Variants in PCDH15 observed in about 807,000 individuals in gnomAD.
PCDH15 encodes the protein protocadherin related 15, also known as protocadherin-15.
A neutral mutation model predicts 178.5 loss-of-function variants in PCDH15; 129 were observed. The observed-to-expected ratio is 0.72, with a 90% CI of 0.63 to 0.84. The LOEUF (loss-of-function observed/expected upper bound fraction) is 0.84, where lower values mean the gene tolerates loss of function less well. Ranked by LOEUF, PCDH15 falls within the 40% of genes least tolerant of loss-of-function variation. PCDH15 has a pLI of 0.00. For synonymous variants in PCDH15, 800 were observed against 732.0 expected (o/e 1.09, Z -1.50); for missense variants, 2,230 against 2,099.9 (o/e 1.06, Z -1.21).
At chr10:54,534,221 T>C (rs2132797619) in intron 2 of PCDH15, among the ~76,000 whole-genome samples, 1 of 152,260 alleles carries the variant, frequency 6.6e-6, no homozygotes, top group Admixed American at 6.5e-5. Context: ...GTAAATATAG[T>C]AAATAAACCC....
At position 54,984,229 on chromosome 10, in the gene PCDH15, T is replaced by C. The variant is rs115158986; in HGVS notation, c.-79-86729A>G. 6.0e-3 allele frequency among the ~76,000 whole-genome samples: 921 copies of C among 152,232 alleles called. 10 individuals are homozygous for C. Among genetic ancestry groups the C allele is most frequent in the African/African-American group, 0.021 (864 of 41,556 alleles). On this transcript the variant is annotated intron_variant, in intron 2 of 5. Transcript: ENST00000458638. ...TGCCCTCTTGTCTCTACCCCTGTTT[T>C]CCTCTTCTCCCCACAAGTGAGGGAA...
chr10:55,204,571 T>C (rs1194557692), intron 1 of PCDH15, among the ~76,000 whole-genome samples: 1 of 152,000 alleles, frequency 6.6e-6, no homozygotes, highest in African/African-American at 2.4e-5. Context: ...CCAAGGAGCA[T>C]GATCTGCTAA....
intron 2 of PCDH15, among the ~76,000 whole-genome samples, chr10:55,356,503 C>T (rs986387536): frequency 3.3e-5 from 5 of 151,676 alleles, no homozygotes; most frequent in African/African-American, 1.2e-4. Context: ...CTGATCTCAT[C>T]AGCCTGAATC....
At chr10:54,411,333 A>G (rs1589264114) in intron 3 of PCDH15, among the ~76,000 whole-genome samples, 1 of 152,214 alleles carries the variant, frequency 6.6e-6, no homozygotes, top group African/African-American at 2.4e-5. Context: ...TTAAAAATTG[A>G]AAGAATTTAA....
In PCDH15 at chr10:54,561,007, G is replaced by T. The variant is rs139775300; in HGVS notation, c.92-33130C>A. On this transcript the variant is annotated intron_variant, in intron 2 of 37. Transcript: ENST00000644397. ...GTAAAAATTGTTTTCTTTTTCACTG[G>T]ATTAGAAACTCTGTTAATGTGAACA... Among the ~76,000 whole-genome samples the T allele has an allele frequency of 3.0e-3, 460 of 152,086 alleles. 2 individuals carry two copies. The highest frequency in any genetic ancestry group is 0.011 in the African/African-American group (451 of 41,522).
At chr10:53,911,990 C>CA (rs1364870751) in intron 25 of PCDH15, among the ~76,000 whole-genome samples, 14 of 151,892 alleles carry the variant, frequency 9.2e-5, no homozygotes, top group African/African-American at 2.4e-4. Flanking sequence ...AGAGACACAA[C>CA]AAAAAAAGAG....
At chr10:55,018,931 G>T (rs988139683) in intron 2 of PCDH15, among the ~76,000 whole-genome samples, 1 of 151,876 alleles carries the variant, frequency 6.6e-6, no homozygotes, top group African/African-American at 2.4e-5. Flanking sequence ...ATTTAATATA[G>T]TTTTCTTTTC....
At chr10:55,523,602 T>C (rs913648707) in intron 2 of PCDH15, among the ~76,000 whole-genome samples, 1 of 151,688 alleles carries the variant, frequency 6.6e-6, no homozygotes, top group African/African-American at 2.4e-5. Context: ...TATTTCTGTC[T>C]ATCTGAAACT....
chr10:55,467,740 C>T (rs1315364845), intron 2 of PCDH15, among the ~76,000 whole-genome samples: 5 of 151,444 alleles, frequency 3.3e-5, no homozygotes, highest in Non-Finnish European at 5.9e-5. Context: ...TCAAGGCAGG[C>T]GGATCATGAG....
chr10:55,525,415 G>A (rs1323805767), intron 2 of PCDH15, among the ~76,000 whole-genome samples: 1 of 151,748 alleles, frequency 6.6e-6, no homozygotes, highest in Admixed American at 6.6e-5. Flanking sequence ...AAAGTCACTA[G>A]ATAGATAAAT....
chr10:55,207,868 C>T (rs1376456800), intron 1 of PCDH15, among the ~76,000 whole-genome samples: 1 of 152,052 alleles, frequency 6.6e-6, no homozygotes, highest in African/African-American at 2.4e-5. Context: ...ACTTGTGAGG[C>T]TGAGTCAGGA....
intron 2 of PCDH15, among the ~76,000 whole-genome samples, chr10:54,943,774 C>A (rs546945581): frequency 6.6e-6 from 1 of 151,404 alleles, no homozygotes; most frequent in Non-Finnish European, 1.5e-5. Context: ...TCAAATCAGA[C>A]TTTTTGATCT....
At chr10:54,022,457 C>T (rs1435251946) in intron 19 of PCDH15, among the ~76,000 whole-genome samples, 5 of 121,326 alleles carry the variant, frequency 4.1e-5, no homozygotes, top group Non-Finnish European at 8.9e-5. Context: ...ATAACCCACA[C>T]AAATTCATAT....
At chr10:54,305,418 C>T (rs919189224) in intron 8 of PCDH15, among the ~76,000 whole-genome samples, 4 of 151,532 alleles carry the variant, frequency 2.6e-5, no homozygotes, top group African/African-American at 9.7e-5. Flanking sequence ...ATTAAGGTAC[C>T]TTTATACAAA....
At position 53,831,540 on chromosome 10, in the gene PCDH15, T is replaced by A. The variant is rs780118478; in HGVS notation, c.3984-7A>T. The A allele has an allele frequency of 2.5e-6, 4 of 1,587,682 alleles. No homozygotes were observed. Among genetic ancestry groups the A allele is most frequent in the Non-Finnish European group, 2.6e-6 (3 of 1,156,410 alleles). On this transcript the variant is annotated splice_polypyrimidine_tract_variant and splice_region_variant and intron_variant, in intron 29 of 37. Coordinates refer to ENST00000644397, the MANE Select transcript of PCDH15 (RefSeq NM_001384140.1). ...TAGTTTGCCATCCAAAAATCTTTAT[T>A]GTTAGATAAATAGTAAAATTAATGA...
chr10:55,496,369 C>T (rs1840534720), intron 2 of PCDH15, among the ~76,000 whole-genome samples: 2 of 144,980 alleles, frequency 1.4e-5, no homozygotes, highest in African/African-American at 4.9e-5. Flanking sequence ...AATAACACAG[C>T]TTTGATGAAT....
chr10:53,818,727 T>A (rs1021986765), intron 33 of PCDH15, among the ~76,000 whole-genome samples: 3 of 152,072 alleles, frequency 2.0e-5, no homozygotes, highest in Non-Finnish European at 4.4e-5. Context: ...AAATGTTCTA[T>A]GTGTTATTTT....
intron 2 of PCDH15, among the ~76,000 whole-genome samples, chr10:54,584,469 G>A (rs1290259218): frequency 6.6e-6 from 1 of 151,870 alleles, no homozygotes; most frequent in African/African-American, 2.4e-5. Context: ...TTTTCTCAAA[G>A]TTGAGATATA....
intron 2 of PCDH15, among the ~76,000 whole-genome samples, chr10:55,381,321 C>A (rs992228152): frequency 6.6e-6 from 1 of 152,114 alleles, no homozygotes; most frequent in South Asian, 2.1e-4. Flanking sequence ...CAGTACATAG[C>A]AGACAACTTG....
Sources: allele counts gnomAD v4.1 joint callset (sites outside exome capture counted in the v4.1 genomes callset), GRCh38; gene constraint gnomAD v4.1.1; transcripts MANE v1.5; gene names NCBI Gene and HGNC (gene_info 2026-07-23, HGNC 2026-07-21).